The following LIFR variants were observed in gnomAD, a reference collection of about 807,000 sequenced individuals.
The protein encoded by LIFR is LIF receptor subunit alpha.
Under a neutral mutation model 122.2 loss-of-function variants are expected in LIFR, and 84 were observed. The observed-to-expected ratio is 0.69, with a 90% CI of 0.58 to 0.82. The LOEUF is 0.82. Ranked by LOEUF, LIFR falls within the 40% of genes least tolerant of loss-of-function variation. LIFR has a pLI of 0.00. For synonymous variants in LIFR, 422 were observed against 434.7 expected (o/e 0.97, Z 0.36); for missense variants, 1,294 against 1,311.6 (o/e 0.99, Z 0.21).
At chr5:38,501,211 T>C (rs1196935006) in intron 11 of LIFR, among the ~76,000 whole-genome samples, 1 of 152,224 alleles carries the variant, frequency 6.6e-6, no homozygotes, top group African/African-American at 2.4e-5. Context: ...TGCACAGCAA[T>C]AGATAACTCA....
In LIFR at chr5:38,489,124, A is replaced by G. The variant is rs1561135636; in HGVS notation, c.2289T>C (p.Phe763=). The part of the protein sequence containing the change: ...RGFLRGYLFY[F]GKGERDTSKM... ...TAGATGTGTCTCTTTCTCCTTTTCC[A>G]AAGTAAAACAAATATCCTCTTAAAA... The change falls in exon 16 of 20, where the codon TTT becomes TTC. Residue 763 remains phenylalanine, a synonymous_variant. Coordinates refer to ENST00000453190, the MANE Select transcript of LIFR (RefSeq NM_001127671.2). 1.2e-6 allele frequency: 2 copies of G among 1,613,194 alleles called. No individual in the cohort carries two copies. Among genetic ancestry groups the G allele is most frequent in the Non-Finnish European group, 1.7e-6 (2 of 1,179,356 alleles).
chr5:38,598,237 A>ATT (rs1750153328), upstream of LIFR, among the ~76,000 whole-genome samples: 5 of 26,822 alleles, frequency 1.9e-4, no homozygotes, highest in Admixed American at 4.7e-4. Flanking sequence ...TTTTTTATTT[A>ATT]TTTATTTATT....
chr5:38,599,422 C>A (rs1021024016), upstream of LIFR, among the ~76,000 whole-genome samples: 10 of 151,998 alleles, frequency 6.6e-5, no homozygotes, highest in African/African-American at 2.4e-4. Context: ...CCTCAGGGTG[C>A]AGTTTGAAGC....
chr5:38,551,872 AT>A (rs1370167201), intron 1 of LIFR, among the ~76,000 whole-genome samples: 1 of 152,212 alleles, frequency 6.6e-6, no homozygotes, highest in Non-Finnish European at 1.5e-5. Context: ...TCCTATAAGA[AT>A]GCATGTGTTG....
chr5:38,569,999 C>T (rs556653216), intron 1 of LIFR, among the ~76,000 whole-genome samples: 13 of 152,148 alleles, frequency 8.5e-5, no homozygotes, highest in African/African-American at 2.9e-4. Flanking sequence ...TTTCAGCCTT[C>T]GTCAATAGCT....
chr5:38,541,079 G>A (rs944673886), intron 1 of LIFR, among the ~76,000 whole-genome samples: 5 of 151,996 alleles, frequency 3.3e-5, no homozygotes, highest in African/African-American at 1.2e-4. Context: ...AAAATCTTAA[G>A]CATCATCTTA....
At chr5:38,489,302 G>T in intron 15 of LIFR, 57 bp from the exon 16 acceptor site, 1 of 1,299,252 alleles carries the variant, frequency 7.7e-7, no homozygotes, top group Non-Finnish European at 1.1e-6. Flanking sequence ...GAGTAATACA[G>T]TAATGTTTCC....
At chr5:38,497,783 C>T (rs145097888) in intron 12 of LIFR, among the ~76,000 whole-genome samples, 183 of 152,224 alleles carry the variant, frequency 1.2e-3, no homozygotes, top group African/African-American at 2.2e-3. Context: ...TGCTAATATA[C>T]GCTTGTCCAT....
chr5:38,492,766 C>T (rs1272176435), intron 14 of LIFR, among the ~76,000 whole-genome samples: 1 of 152,118 alleles, frequency 6.6e-6, no homozygotes, highest in African/African-American at 2.4e-5. Flanking sequence ...TTCCCTAACA[C>T]GCGAGGGAGG....
intron 3 of LIFR, 93 bp downstream of exon 3, chr5:38,528,633 A>C: frequency 1.2e-6 from 1 of 808,608 alleles, no homozygotes; most frequent in African/African-American, 1.7e-5. Flanking sequence ...AGCAGGAAAT[A>C]ACCCTTTAGT....
chr5:38,505,401 TACACACA>T (rs1745415597), intron 9 of LIFR, among the ~76,000 whole-genome samples: 2 of 139,388 alleles, frequency 1.4e-5, no homozygotes, highest in African/African-American at 5.4e-5. Context: ...TGCATAGAAC[TACACACA>T]CACACACACA....
At chr5:38,526,140 A>G (rs1169050696) in intron 4 of LIFR, among the ~76,000 whole-genome samples, 1 of 152,200 alleles carries the variant, frequency 6.6e-6, no homozygotes, top group Non-Finnish European at 1.5e-5. Context: ...CAGACATGTG[A>G]GGACAATGTT....
intron 1 of LIFR, among the ~76,000 whole-genome samples, chr5:38,540,153 G>A (rs939445814): frequency 1.3e-5 from 2 of 152,104 alleles, no homozygotes; most frequent in African/African-American, 2.4e-5. Context: ...GTAGGGGCTC[G>A]CAGATAAATC....
chr5:38,602,637 T>A (rs1014964091), intron 2 of LIFR, among the ~76,000 whole-genome samples: 2 of 152,208 alleles, frequency 1.3e-5, no homozygotes, highest in Non-Finnish European at 2.9e-5. Flanking sequence ...ACAGGGGCCT[T>A]ATCTCATGAT....
Position 38,530,750 on chromosome 5 carries a change from TTC to T in LIFR, c.-19-86_-19-85del, listed in dbSNP as rs2112572004. The T allele has an allele frequency of 6.2e-6, 7 of 1,127,996 alleles. 1 individual carries two copies. In the East Asian group the frequency reaches 1.6e-4, roughly 27 times the overall value. The allele number at this position is 1,127,996 out of a possible 1,614,324, so 69.9% of individuals were successfully genotyped here. A position where few individuals can be genotyped will look rare whatever the true frequency, so the allele number is the denominator to read the frequency against. ...CTGTGCACACAAACACTCAAATAGA[TTC>T]TGACAGATTCTGAAACACTGTACAT... On this transcript the variant is annotated intron_variant, in intron 1 of 19. Coordinates refer to ENST00000453190, the MANE Select transcript of LIFR (RefSeq NM_001127671.2).
chr5:38,503,244 G>A (rs1242623413), intron 10 of LIFR, among the ~76,000 whole-genome samples: 1 of 152,100 alleles, frequency 6.6e-6, no homozygotes, highest in African/African-American at 2.4e-5. Flanking sequence ...ATTACCTTTT[G>A]TGCATCTTTG....
intron 1 of LIFR, among the ~76,000 whole-genome samples, chr5:38,546,996 T>C (rs1487746575): frequency 6.6e-6 from 1 of 152,180 alleles, no homozygotes; most frequent in Non-Finnish European, 1.5e-5. Context: ...TTGGTTGCTC[T>C]CCAGTCACCA....
rs1055684180 is a variant in LIFR at position 38,475,397 on chromosome 5, T to C, written c.*6198A>G. 1 of 197,592 alleles carries C rather than the reference T, an allele frequency of 5.1e-6. No individual in the cohort carries two copies. Among genetic ancestry groups the C allele is most frequent in the African/African-American group, 2.3e-5 (1 of 43,408 alleles). The allele number at this position is 197,592 out of a possible 1,614,324, so 12.2% of individuals were successfully genotyped here. The stretch of plus-strand genomic sequence containing the variant: ...AAATGTTTCCTTATACGATTAAACA[T>C]GATTTTAGGTACAGCACATCACAAC... On this transcript the variant is annotated 3_prime_UTR_variant, in exon 20 of 20. Coordinates refer to ENST00000453190, the MANE Select transcript of LIFR (RefSeq NM_001127671.2).
At chr5:38,564,735 TACACACACACACACACACACAC>T (rs3047301) in intron 1 of LIFR, among the ~76,000 whole-genome samples, 2 of 137,500 alleles carry the variant, frequency 1.5e-5, no homozygotes, top group South Asian at 4.9e-4. Context: ...ACACACACAC[TACACACACACACACACACACAC>T]ACACACACAC....
Sources: allele counts gnomAD v4.1 joint callset (sites outside exome capture counted in the v4.1 genomes callset), GRCh38; gene constraint gnomAD v4.1.1; transcripts MANE v1.5; gene names NCBI Gene and HGNC (gene_info 2026-07-23, HGNC 2026-07-21).